The following CCDC69 variants were observed in gnomAD, a reference collection of about 807,000 sequenced individuals.
CCDC69 encodes the protein coiled-coil domain containing 69, also known as coiled-coil domain-containing protein 69.
In CCDC69, 38 loss-of-function variants were observed where a neutral mutation model predicts 40.3. The observed-to-expected ratio is 0.94, with a 90% CI of 0.73 to 1.24. The LOEUF is 1.24. CCDC69 is among the 50% of genes most tolerant of loss of function. CCDC69 has a pLI of 0.00. For missense variants in CCDC69, 389 were observed against 357.9 expected (o/e 1.09, Z -0.70); for synonymous variants, 141 against 138.9 (o/e 1.02, Z -0.11).
At chr5:151,220,323 A>T (rs1441579409) in intron 1 of CCDC69, among the ~76,000 whole-genome samples, 1 of 152,198 alleles carries the variant, frequency 6.6e-6, no homozygotes, top group African/African-American at 2.4e-5. Context: ...CACAGGAGCT[A>T]ATACCAAGCC....
chr5:151,205,067 G>A (rs912623145), intron 2 of CCDC69, among the ~76,000 whole-genome samples: 2 of 125,806 alleles, frequency 1.6e-5, no homozygotes, highest in African/African-American at 6.1e-5. Context: ...AACATTCTCT[G>A]TTCCTTTAAC....
rs757365549 is a variant in CCDC69 at position 151,201,657 on chromosome 5, C to T, written c.156G>A (p.Glu52=). Residue 52 remains glutamate, a synonymous_variant, in exon 3 of 9, where the codon GAG becomes GAA. Coordinates refer to ENST00000355417, the MANE Select transcript of CCDC69 (RefSeq NM_015621.3). ...AITVQLCASE[E]AERHQKDITR... ...TTATATCCTTCTGGTGCCGCTCAGC[C>T]TCCTCTGATGCACAGAGCTGGACAG... 6.2e-7 allele frequency: 1 copy of T among 1,613,534 alleles called. No homozygotes were observed. The highest frequency in any genetic ancestry group is 8.5e-7 in the Non-Finnish European group (1 of 1,179,724).
chr5:151,206,899 G>A (rs1752860642), intron 1 of CCDC69, among the ~76,000 whole-genome samples: 1 of 149,430 alleles, frequency 6.7e-6, no homozygotes, highest in South Asian at 2.1e-4. Flanking sequence ...CAAAGTGCTG[G>A]GATTACAGGT....
intron 1 of CCDC69, among the ~76,000 whole-genome samples, chr5:151,218,864 T>C (rs745740770): frequency 3.4e-4 from 51 of 152,206 alleles, no homozygotes; most frequent in Non-Finnish European, 2.6e-4. Context: ...ATGAATTCAA[T>C]AGAGGAAAAG....
At chr5:151,219,715 CTTAA>C (rs1190694793) in intron 1 of CCDC69, among the ~76,000 whole-genome samples, 3 of 152,152 alleles carry the variant, frequency 2.0e-5, no homozygotes. Flanking sequence ...GTGGCTATCT[CTTAA>C]TTGTGAGATT....
At position 151,182,702 on chromosome 5, in the gene CCDC69, C is replaced by CT; in HGVS notation, c.*734dup. ...CACCAAGACTGAAGGGCCAGGAGGG[C>CT]TGAGGGGATGCACCTTGCCTGGTAA... On this transcript the variant is annotated 3_prime_UTR_variant, in exon 9 of 9. Transcript: ENST00000355417. 2 of 288,336 alleles carry CT rather than the reference C, an allele frequency of 6.9e-6. No individual in the cohort carries two copies. Among genetic ancestry groups the CT allele is most frequent in the Non-Finnish European group, 1.4e-5 (2 of 145,334 alleles). The allele number at this position is 288,336 out of a possible 1,614,324, so 17.9% of individuals were successfully genotyped here.
chr5:151,216,498 C>G (rs1753044493), intron 1 of CCDC69, among the ~76,000 whole-genome samples: 1 of 148,782 alleles, frequency 6.7e-6, no homozygotes. Context: ...CTCGCTGCAG[C>G]CTCTGCCTCC....
intron 8 of CCDC69, among the ~76,000 whole-genome samples, chr5:151,184,080 T>C (rs557449858): frequency 3.6e-4 from 55 of 152,286 alleles, no homozygotes; most frequent in African/African-American, 1.3e-3. Flanking sequence ...TCCTGTTTCC[T>C]CCTCCCTATA....
chr5:151,211,495 T>C (rs1266440122), intron 1 of CCDC69, among the ~76,000 whole-genome samples: 1 of 151,580 alleles, frequency 6.6e-6, no homozygotes, highest in Non-Finnish European at 1.5e-5. Context: ...ACCTACAGTA[T>C]GTGTGCTGGG....
chr5:151,183,358 A>C lies in CCDC69; in HGVS notation c.*79T>G. On this transcript the variant is annotated 3_prime_UTR_variant, in exon 9 of 9. Transcript: ENST00000355417. ...CGTTCCTTCCTGGAAAAGAACTGAG[A>C]GGCTCCTGCTGTCTTCTCCAGAAAA... 6.8e-7 allele frequency: 1 copy of C among 1,460,088 alleles called. No homozygotes were observed. Among genetic ancestry groups the C allele is most frequent in the South Asian group, 1.2e-5 (1 of 82,576 alleles). 90.4% of individuals were successfully genotyped at this position (1,460,088 alleles called of 1,614,324 possible). A position where few individuals can be genotyped will look rare whatever the true frequency, so the allele number is the denominator to read the frequency against.
At chr5:151,204,675 T>C (rs1561602595) in intron 2 of CCDC69, among the ~76,000 whole-genome samples, 1 of 152,188 alleles carries the variant, frequency 6.6e-6, no homozygotes, top group Admixed American at 6.5e-5. Context: ...ATATTTTTTT[T>C]CTGGATGTAG....
At chr5:151,194,834 G>A (rs747430228) in intron 4 of CCDC69, among the ~76,000 whole-genome samples, 8 of 146,292 alleles carry the variant, frequency 5.5e-5, no homozygotes, top group Non-Finnish European at 1.2e-4. Context: ...GGAGGTTGCA[G>A]TGAGCCGAGA....
intron 1 of CCDC69, chr5:151,215,564 G>A (rs1207260373): frequency 8.5e-6 from 3 of 352,326 alleles, no homozygotes; most frequent in African/African-American, 4.2e-5. Flanking sequence ...GGGCTTCTCT[G>A]GAGAGCAGGA....
chr5:151,191,227 T>C (rs1443575658), intron 4 of CCDC69, among the ~76,000 whole-genome samples: 2 of 152,202 alleles, frequency 1.3e-5, no homozygotes, highest in African/African-American at 2.4e-5. Flanking sequence ...TCATAGTAGC[T>C]ATATGATTTG....
chr5:151,194,389 G>A (rs1275908460), intron 4 of CCDC69, among the ~76,000 whole-genome samples: 1 of 152,190 alleles, frequency 6.6e-6, no homozygotes, highest in Non-Finnish European at 1.5e-5. Context: ...CAAAGGCATC[G>A]TGATGCATGA....
chr5:151,188,601 C>CAA (rs1234258891), intron 4 of CCDC69, among the ~76,000 whole-genome samples: 1 of 104,256 alleles, frequency 9.6e-6, no homozygotes, highest in East Asian at 2.6e-4. Flanking sequence ...ACTCTGTCTC[C>CAA]AAAAAAAAAA....
chr5:151,202,431 C>T (rs1258071180), intron 2 of CCDC69, among the ~76,000 whole-genome samples: 1 of 152,150 alleles, frequency 6.6e-6, no homozygotes, highest in Admixed American at 6.5e-5. Flanking sequence ...CTTAATAATT[C>T]TGATTTCCAA....
Position 151,213,499 on chromosome 5 carries a change from G to A in CCDC69, c.49-8024C>T, listed in dbSNP as rs113231200. ...AATCTCCTGACCTAGTGATCCACCCGCCTCGGCCTCCCAAAGTGCTGGGAT... is the reference window on the plus strand; with the variant it reads ...AATCTCCTGACCTAGTGATCCACCCACCTCGGCCTCCCAAAGTGCTGGGAT... On this transcript the variant is annotated intron_variant, in intron 1 of 8. Transcript: ENST00000355417. Among the ~76,000 whole-genome samples the A allele has an allele frequency of 4.3e-3, 653 of 151,568 alleles. 6 individuals carry two copies. Among genetic ancestry groups the A allele is most frequent in the African/African-American group, 0.014 (596 of 41,230 alleles).
At chr5:151,202,704 G>A (rs1420356872) in intron 2 of CCDC69, among the ~76,000 whole-genome samples, 1 of 152,160 alleles carries the variant, frequency 6.6e-6, no homozygotes, top group African/African-American at 2.4e-5. Context: ...TGCTACTTGA[G>A]AGCAGGAAGG....
Sources: gnomAD v4.1 joint callset for allele counts (sites outside exome capture counted in the v4.1 genomes callset) on GRCh38, gnomAD v4.1.1 for gene constraint, MANE v1.5 for transcripts, NCBI Gene and HGNC (gene_info 2026-07-23, HGNC 2026-07-21) for gene names.